The following CYP2U1 variants were observed in gnomAD, a reference collection of about 807,000 sequenced individuals.
The protein encoded by CYP2U1 is cytochrome P450 family 2 subfamily U member 1.
Under a neutral mutation model 42.8 loss-of-function variants are expected in CYP2U1, and 28 were observed. The observed-to-expected ratio is 0.65, with a 90% confidence interval of 0.48 to 0.90. The LOEUF is 0.90. Ranked by LOEUF, CYP2U1 falls within the 40% of genes least tolerant of loss-of-function variation. The probability of loss-of-function intolerance (pLI) is 0.00; values close to 1 mark genes in which losing one functional copy is unlikely to be tolerated. For synonymous variants in CYP2U1, 296 were observed against 278.9 expected (o/e 1.06, Z -0.61); for missense variants, 642 against 693.8 (o/e 0.93, Z 0.84).
chr4:107,931,563 C>CA lies in CYP2U1; in HGVS notation c.-80dup. On this transcript the variant is annotated 5_prime_UTR_variant, in exon 1 of 5. Coordinates refer to ENST00000332884, the MANE Select transcript of CYP2U1 (RefSeq NM_183075.3). ...CCCGACCTTCCAGAGCAGAGCAGGA[C>CA]ACTGGCGCCGCGGGTCAGGCAGCTG... 8.3e-7 allele frequency: 1 copy of CA among 1,199,064 alleles called. No individual in the cohort carries two copies. Among genetic ancestry groups the CA allele is most frequent in the South Asian group, 4.2e-5 (1 of 23,986 alleles). 74.3% of individuals were successfully genotyped at this position (1,199,064 alleles called of 1,614,324 possible).
chr4:107,934,288 A>C (rs143798411), intron 1 of CYP2U1, among the ~76,000 whole-genome samples: 1 of 151,708 alleles, frequency 6.6e-6, no homozygotes, highest in Non-Finnish European at 1.5e-5. Flanking sequence ...CTTCTATGAT[A>C]CCATTGTTTC....
intron 4 of CYP2U1, among the ~76,000 whole-genome samples, chr4:107,950,024 G>C (rs1733853594): frequency 6.6e-6 from 1 of 152,146 alleles, no homozygotes; most frequent in Admixed American, 6.5e-5. Flanking sequence ...CTAGAATGGG[G>C]ATAGGTTTTT....
At chr4:107,933,300 G>A (rs1224729249) in intron 1 of CYP2U1, among the ~76,000 whole-genome samples, 1 of 152,170 alleles carries the variant, frequency 6.6e-6, no homozygotes, top group East Asian at 1.9e-4. Flanking sequence ...TGCCATTAAG[G>A]TGTGCACTTA....
intron 3 of CYP2U1, among the ~76,000 whole-genome samples, chr4:107,948,225 G>C (rs1465377394): frequency 7.2e-6 from 1 of 138,160 alleles, no homozygotes. Context: ...TTGCACCACT[G>C]CACTCTAGCC....
rs143913941 is a variant in CYP2U1 at position 107,945,108 on chromosome 4, T to C, written c.629T>C (p.Met210Thr). The change falls in exon 2 of 5, where the codon ATG (methionine) becomes ACG (threonine). Residue 210 changes from methionine (M) to threonine (T), a missense_variant. Met to Thr is a moderately conservative substitution (Grantham distance 81). Coordinates refer to ENST00000332884, the MANE Select transcript of CYP2U1 (RefSeq NM_183075.3). ...GAGTTCAAATATGTGAAAGCAGAAA[T>C]GCAAAAGCACGGAGAAGACCCCTTC... The part of the protein sequence containing the change: ...IEEFKYVKAE[M>T]QKHGEDPFCP... The C allele has an allele frequency of 1.1e-4, 178 of 1,613,818 alleles. No homozygotes were observed. In the Middle Eastern group the frequency reaches 2.6e-3, roughly 24 times the overall value.
At chr4:107,937,138 AAG>A (rs1187306935) in intron 1 of CYP2U1, among the ~76,000 whole-genome samples, 1 of 152,226 alleles carries the variant, frequency 6.6e-6, no homozygotes, top group Admixed American at 6.5e-5. Flanking sequence ...AGAAGGCAAA[AAG>A]AAATTTTGAA....
Position 107,945,536 on chromosome 4 carries a change from G to T in CYP2U1, c.1057G>T (p.Gly353Trp). The T allele has an allele frequency of 6.2e-7, 1 of 1,613,120 alleles. No individual in the cohort carries two copies. The highest frequency in any genetic ancestry group is 8.5e-7 in the Non-Finnish European group (1 of 1,179,468). The change falls in exon 2 of 5, where the codon GGG (glycine) becomes TGG (tryptophan). Residue 353 changes from glycine to tryptophan, a missense_variant. Physicochemically the swap from Gly to Trp is radical, Grantham distance 184. Transcript: ENST00000332884. ...TATCATTGGGGATCTCTTTATTGCT[G>T]GGACTGATACCACAACTAACTCTTT... ...FYIIGDLFIA[G>W]TDTTTNSLLW...
At chr4:107,939,653 T>C (rs887520234) in intron 1 of CYP2U1, among the ~76,000 whole-genome samples, 5 of 152,084 alleles carry the variant, frequency 3.3e-5, no homozygotes, top group African/African-American at 9.7e-5. Context: ...ACTCCCCTAG[T>C]TTACCATGCA....
In CYP2U1 at chr4:107,952,259, C is replaced by A. The variant is rs1733936177; in HGVS notation, c.*1836C>A. 6.6e-6 allele frequency: 1 copy of A among 152,170 alleles called. No individual in the cohort carries two copies. Among genetic ancestry groups the A allele is most frequent in the African/African-American group, 2.4e-5 (1 of 41,430 alleles). 9.4% of individuals were successfully genotyped at this position (152,170 alleles called of 1,614,324 possible). ...TATTATTTGTTAATGTCCATTAAAG[C>A]CAGTTTTTAAAAAAATCACTGGACT... On this transcript the variant is annotated 3_prime_UTR_variant, in exon 5 of 5. Coordinates refer to ENST00000332884, the MANE Select transcript of CYP2U1 (RefSeq NM_183075.3).
rs1733664601 is a variant in CYP2U1, at chr4:107,945,439, G to A, written c.960G>A (p.Met320Ile). 20 of 1,613,984 alleles carry A rather than the reference G, an allele frequency of 1.2e-5. No individual in the cohort carries two copies. The highest frequency in any genetic ancestry group is 1.7e-5 in the Non-Finnish European group (20 of 1,180,020). ...AGAACCCTCAGGACTTCATAGACAT[G>A]TACCTTCTCCACATGGAAGAGGAGA... ...DRENPQDFIDMYLLHMEEERK... is the reference protein window; with the variant it reads ...DRENPQDFIDIYLLHMEEERK... The change falls in exon 2 of 5, where the codon ATG becomes ATA. Residue 320 changes from methionine to isoleucine, a missense_variant. Coordinates refer to ENST00000332884, the MANE Select transcript of CYP2U1 (RefSeq NM_183075.3).
rs528248290 is a variant in CYP2U1, at chr4:107,931,588, G to A, written c.-56G>A. ...CACTGGCGCCGCGGGTCAGGCAGCT[G>A]CGTGCGCGTCTCCTCCAGGCAGCAA... On this transcript the variant is annotated 5_prime_UTR_variant, in exon 1 of 5. Coordinates refer to ENST00000332884, the MANE Select transcript of CYP2U1 (RefSeq NM_183075.3). 8.9e-6 allele frequency: 11 copies of A among 1,229,962 alleles called. No individual in the cohort carries two copies. The South Asian group carries it at 3.1e-4, about 35-fold the overall frequency. The allele number at this position is 1,229,962 out of a possible 1,614,324, so 76.2% of individuals were successfully genotyped here. A position where few individuals can be genotyped will look rare whatever the true frequency, so the allele number is the denominator to read the frequency against.
chr4:107,936,131 C>T (rs1733254314), intron 1 of CYP2U1: 1 of 152,058 alleles, frequency 6.6e-6, no homozygotes, highest in Non-Finnish European at 1.5e-5. Flanking sequence ...CTACAGTAAA[C>T]TAGATAGGCC....
Position 107,945,019 on chromosome 4 carries a change from C to G in CYP2U1, c.540C>G (p.Phe180Leu). Residue 180 changes from phenylalanine to leucine, a missense_variant, in exon 2 of 5, where the codon TTC becomes TTG. Phe to Leu is a conservative substitution (Grantham distance 22). Transcript: ENST00000332884. ...YGPVWRQQRK[F>L]SHSTLRHFGL... ...CCGTCTGGAGACAACAAAGGAAGTT[C>G]TCTCATTCAACTCTTCGTCATTTTG... is the stretch of plus-strand genomic sequence containing the variant. 1 of 1,613,342 alleles carries G rather than the reference C, an allele frequency of 6.2e-7. No individual in the cohort carries two copies. Among genetic ancestry groups the G allele is most frequent in the Non-Finnish European group, 8.5e-7 (1 of 1,179,852 alleles).
In CYP2U1 at chr4:107,942,397, A is replaced by G. The variant is rs116193075; in HGVS notation, c.491-2573A>G. 4.1e-3 allele frequency among the ~76,000 whole-genome samples: 629 copies of G among 152,364 alleles called. 4 individuals carry two copies. Among genetic ancestry groups the G allele is most frequent in the African/African-American group, 0.014 (587 of 41,592 alleles). On this transcript the variant is annotated intron_variant, in intron 1 of 4. Transcript: ENST00000332884. ...AAAGAAATTAAATGCAGTTCCAACC[A>G]AAATCCTAAATAAGTTTGAGAAACT...
Position 107,931,748 on chromosome 4 carries a change from C to CGCGCTGCTGCTATGCGGCCTCGTA in CYP2U1, c.115_138dup (p.Leu39_Leu46dup). ...TGCTGCGGCTGGACCCCAGCGGGGG[C>CGCGCTGCTGCTATGCGGCCTCGTA]GCGCTGCTGCTATGCGGCCTCGTAG... is the stretch of plus-strand genomic sequence containing the variant. On this transcript the variant is annotated inframe_insertion, in exon 1 of 5. Transcript: ENST00000332884. The CGCGCTGCTGCTATGCGGCCTCGTA allele has an allele frequency of 7.0e-7, 1 of 1,425,198 alleles. No homozygotes were observed. Among genetic ancestry groups the CGCGCTGCTGCTATGCGGCCTCGTA allele is most frequent in the Non-Finnish European group, 9.1e-7 (1 of 1,099,158 alleles). 88.3% of individuals were successfully genotyped at this position (1,425,198 alleles called of 1,614,324 possible). A position where few individuals can be genotyped will look rare whatever the true frequency, so the allele number is the denominator to read the frequency against.
Position 107,950,454 on chromosome 4 carries a change from A to T in CYP2U1, c.*31A>T, listed in dbSNP as rs79009744. The T allele has an allele frequency of 6.3e-7, 1 of 1,577,476 alleles. No homozygotes were observed. Among genetic ancestry groups the T allele is most frequent in the East Asian group, 2.2e-5 (1 of 44,648 alleles). On this transcript the variant is annotated 3_prime_UTR_variant, in exon 5 of 5. Coordinates refer to ENST00000332884, the MANE Select transcript of CYP2U1 (RefSeq NM_183075.3). ...ATCTCCAAGAAGAGATGGTAAAAAG[A>T]TATATAAATACATATCCTTCTAAGC...
chr4:107,938,867 TTAAA>T (rs1364512005), intron 1 of CYP2U1: 1 of 151,966 alleles, frequency 6.6e-6, no homozygotes, highest in East Asian at 1.9e-4. Flanking sequence ...ATATGATATA[TTAAA>T]TAAGGAGAGG....
chr4:107,949,332 T>A lies in CYP2U1; in HGVS notation c.1289-18T>A, dbSNP rs1292154526. On this transcript the variant is annotated intron_variant, in intron 3 of 4. Transcript: ENST00000332884. ...AAAAGCATACTGAATAACACCCATATGTTTCCTTTTGTTTTAGTGCTCCAA... is the reference window on the plus strand; with the variant it reads ...AAAAGCATACTGAATAACACCCATAAGTTTCCTTTTGTTTTAGTGCTCCAA... 1 of 1,489,104 alleles carries A rather than the reference T, an allele frequency of 6.7e-7. No individual in the cohort carries two copies. Among genetic ancestry groups the A allele is most frequent in the Non-Finnish European group, 9.0e-7 (1 of 1,114,596 alleles). 92.2% of individuals were successfully genotyped at this position (1,489,104 alleles called of 1,614,324 possible).
chr4:107,932,555 TAAG>T (rs2086013731), intron 1 of CYP2U1, among the ~76,000 whole-genome samples: 1 of 152,174 alleles, frequency 6.6e-6, no homozygotes, highest in Non-Finnish European at 1.5e-5. Context: ...TGTAAGAATT[TAAG>T]AAGATAATTT....
Sources: gnomAD v4.1 joint callset for allele counts (sites outside exome capture counted in the v4.1 genomes callset) on GRCh38, gnomAD v4.1.1 for gene constraint, MANE v1.5 for transcripts, NCBI Gene and HGNC (gene_info 2026-07-23, HGNC 2026-07-21) for gene names.